The following SCRN1 variants were observed in gnomAD, a reference collection of about 807,000 sequenced individuals.
SCRN1 encodes the protein secernin 1.
In SCRN1, 19 loss-of-function variants were observed where a neutral mutation model predicts 43.3. The ratio of observed to expected loss-of-function variants is 0.44; its 90% CI spans 0.31 to 0.64. The LOEUF (loss-of-function observed/expected upper bound fraction) is 0.64. SCRN1 is among the 30% of genes least tolerant of loss of function. SCRN1 has a pLI of 0.09. For synonymous variants in SCRN1, 183 were observed against 188.9 expected, an observed-to-expected ratio of 0.97 and a Z score of 0.26; for missense variants, 447 against 524.1, an observed-to-expected ratio of 0.85 and a Z score of 1.44.
In SCRN1 at chr7:29,932,417, C is replaced by T. The variant is rs1207947219; in HGVS notation, c.905+4139G>A. 9.9e-5 allele frequency among the ~76,000 whole-genome samples: 15 copies of T among 152,018 alleles called. No individual in the cohort carries two copies. The South Asian group carries it at 2.5e-3, about 25-fold the overall frequency. On this transcript the variant is annotated intron_variant, in intron 6 of 7. Coordinates refer to ENST00000242059, the MANE Select transcript of SCRN1 (RefSeq NM_014766.5). Reference sequence around the variant, plus strand: ...TATACTGGCCCAGCACTTTGGGAGGCGGAGGCAGGCAGATCACCTGAGGTC... The same window carrying T: ...TATACTGGCCCAGCACTTTGGGAGGTGGAGGCAGGCAGATCACCTGAGGTC...
chr7:29,956,777 T>C (rs1031167402), intron 2 of SCRN1, among the ~76,000 whole-genome samples: 1 of 152,184 alleles, frequency 6.6e-6, no homozygotes, highest in Non-Finnish European at 1.5e-5. Flanking sequence ...GAATTTTTCA[T>C]GGCAAACTGA....
chr7:29,946,795 C>T (rs1787752322), intron 3 of SCRN1, among the ~76,000 whole-genome samples: 1 of 152,230 alleles, frequency 6.6e-6, no homozygotes. Flanking sequence ...GCCATGAGGA[C>T]AGGGCCAACT....
intron 3 of SCRN1, among the ~76,000 whole-genome samples, chr7:29,952,916 G>A (rs2128093426): frequency 6.6e-6 from 1 of 152,280 alleles, no homozygotes; most frequent in Admixed American, 6.5e-5. Flanking sequence ...ACAATAGCTG[G>A]ACATGGCTAG....
upstream of SCRN1, chr7:29,990,053 A>C (rs1789319102): frequency 6.7e-7 from 1 of 1,496,920 alleles, no homozygotes; most frequent in Admixed American, 2.5e-5. Context: ...TGTGGCTCTC[A>C]AAAGGGAAAA....
intron 2 of SCRN1, among the ~76,000 whole-genome samples, chr7:29,963,735 G>A (rs1788403321): frequency 6.6e-6 from 1 of 152,112 alleles, no homozygotes; most frequent in African/African-American, 2.4e-5. Context: ...ATACTGGAAG[G>A]AGTCCAAGCA....
At chr7:29,928,640 C>T (rs1787053635) in intron 6 of SCRN1, among the ~76,000 whole-genome samples, 1 of 152,094 alleles carries the variant, frequency 6.6e-6, no homozygotes, top group African/African-American at 2.4e-5. Flanking sequence ...TGCCAGGCTG[C>T]GCCCACCTGC....
At chr7:29,967,245 G>A (rs182134241) in intron 2 of SCRN1, among the ~76,000 whole-genome samples, 11 of 151,684 alleles carry the variant, frequency 7.3e-5, no homozygotes, top group African/African-American at 2.4e-4. Flanking sequence ...TAACCAAGAA[G>A]GTTATGCCCT....
chr7:29,929,558 G>A (rs7777223), intron 6 of SCRN1, among the ~76,000 whole-genome samples: 5,043 of 152,330 alleles, frequency 0.033, 107 homozygotes, highest in African/African-American at 0.064. Flanking sequence ...ATGCCAAGAA[G>A]TGAGGGAAGG....
chr7:29,926,755 A>C, intron 6 of SCRN1, 123 bp from the exon 7 acceptor site: 24 of 556,094 alleles, frequency 4.3e-5, no homozygotes, highest in East Asian at 7.8e-5. Context: ...GGTGTGGGTG[A>C]CGGGTGGGTG....
intron 1 of SCRN1, among the ~76,000 whole-genome samples, chr7:29,984,063 G>A (rs773603210): frequency 1.3e-4 from 19 of 151,936 alleles, no homozygotes; most frequent in Non-Finnish European, 1.8e-4. Flanking sequence ...AAAATCAGTC[G>A]GGCGTGGTGG....
intron 3 of SCRN1, among the ~76,000 whole-genome samples, chr7:29,954,380 C>A (rs1471885934): frequency 6.6e-6 from 1 of 151,958 alleles, no homozygotes; most frequent in Non-Finnish European, 1.5e-5. Flanking sequence ...CCCATTTAAA[C>A]TGTACAGTTC....
chr7:29,923,513 T>G lies in SCRN1; in HGVS notation c.*444A>C, dbSNP rs774831228. On this transcript the variant is annotated 3_prime_UTR_variant, in exon 8 of 8. Transcript: ENST00000242059. Reference sequence around the variant, plus strand: ...TGACAACACACACAAGAGCCCTGTGTGTGTGCACAAATGCCTCTTGTTAAC... The same window carrying G: ...TGACAACACACACAAGAGCCCTGTGGGTGTGCACAAATGCCTCTTGTTAAC... 26 of 165,866 alleles carry G rather than the reference T, an allele frequency of 1.6e-4. No individual in the cohort carries two copies. Among genetic ancestry groups the G allele is most frequent in the Admixed American group, 2.2e-4 (4 of 17,794 alleles). 10.3% of individuals were successfully genotyped at this position (165,866 alleles called of 1,614,324 possible).
At chr7:29,989,862 A>G (rs1789310032), upstream of SCRN1, 1 of 994,964 alleles carries the variant, frequency 1.0e-6, no homozygotes, top group Non-Finnish European at 1.2e-6. Context: ...CCGCGGGCCC[A>G]CCCTCCGCCT....
chr7:29,985,455 T>G (rs537414827), intron 1 of SCRN1, among the ~76,000 whole-genome samples: 1 of 151,710 alleles, frequency 6.6e-6, no homozygotes, highest in Non-Finnish European at 1.5e-5. Context: ...GACTGATAAG[T>G]GGTGTGCTCA....
chr7:29,973,353 C>T (rs1380559984), intron 1 of SCRN1, among the ~76,000 whole-genome samples: 1 of 152,154 alleles, frequency 6.6e-6, no homozygotes, highest in African/African-American at 2.4e-5. Flanking sequence ...TTTTTGACAC[C>T]TTCACTTTTC....
At chr7:29,986,412 C>A (rs935706773) in intron 1 of SCRN1, among the ~76,000 whole-genome samples, 9 of 151,876 alleles carry the variant, frequency 5.9e-5, no homozygotes, top group Admixed American at 3.3e-4. Flanking sequence ...ATTTTAAATT[C>A]TTTCTTCATA....
intron 1 of SCRN1, among the ~76,000 whole-genome samples, chr7:29,982,636 C>G (rs969562864): frequency 1.0e-4 from 14 of 137,944 alleles, no homozygotes; most frequent in African/African-American, 3.8e-4. Flanking sequence ...TGACCCATGA[C>G]TATGCCACTG....
chr7:29,937,901 T>C (rs780718491), intron 5 of SCRN1, among the ~76,000 whole-genome samples: 4 of 152,238 alleles, frequency 2.6e-5, no homozygotes, highest in Admixed American at 1.3e-4. Flanking sequence ...CCTAGAAATA[T>C]TAACAACAAA....
intron 4 of SCRN1, 50 bp from the exon 5 acceptor site, chr7:29,940,926 T>G: frequency 7.2e-7 from 1 of 1,390,430 alleles, no homozygotes; most frequent in Non-Finnish European, 9.4e-7. Context: ...TATAAAGACT[T>G]AATCAACAAA....
Sources: allele counts gnomAD v4.1 joint callset (sites outside exome capture counted in the v4.1 genomes callset), GRCh38; gene constraint gnomAD v4.1.1; transcripts MANE v1.5; gene names NCBI Gene and HGNC (gene_info 2026-07-23, HGNC 2026-07-21).